The following BPIFB4 variants were observed in gnomAD, a reference collection of about 807,000 sequenced individuals.
BPIFB4 encodes BPI fold-containing family B member 4.
Under a neutral mutation model 69.2 loss-of-function variants are expected in BPIFB4, and 62 were observed. That is an observed-to-expected ratio of 0.90 (90% CI 0.73 to 1.11). BPIFB4 has a LOEUF of 1.11. BPIFB4 is among the 50% of genes least tolerant of loss of function. The pLI is 0.00. For synonymous variants in BPIFB4, 330 were observed against 332.7 expected (o/e 0.99, Z 0.09); for missense variants, 789 against 792.0 (o/e 1.00, Z 0.04).
chr20:33,093,862 CCACCAATCCATCCATCCAT>C (rs1194146785), intron 11 of BPIFB4, among the ~76,000 whole-genome samples: 2 of 151,618 alleles, frequency 1.3e-5, no homozygotes, highest in African/African-American at 2.4e-5. Flanking sequence ...ATCCATCCAT[CCACCAATCCATCCATCCAT>C]TTATATATCC....
chr20:33,080,766 G>A (rs1981203992), intron 2 of BPIFB4, among the ~76,000 whole-genome samples, 190 bp downstream of exon 2: 1 of 152,208 alleles, frequency 6.6e-6, no homozygotes, highest in East Asian at 1.9e-4. Context: ...TGAATGGATG[G>A]ATGGATGGAT....
At position 33,107,774 on chromosome 20, in the gene BPIFB4, A is replaced by G. The variant is rs772872151; in HGVS notation, c.1775A>G (p.Lys592Arg). The change falls in exon 17 of 18, where the codon AAA becomes AGA. Residue 592 changes from lysine to arginine, a missense_variant. Lys to Arg is a conservative substitution (Grantham distance 26). Around this residue, in one of 3 missense-constraint regions of BPIFB4, gnomAD observed 170 missense variants for 193.6 expected, o/e 0.88. Coordinates refer to ENST00000375483, the MANE Select transcript of BPIFB4 (RefSeq NM_182519.3). ...AVLGSGVPLPKILNIDFSNAD... is the reference protein window; with the variant it reads ...AVLGSGVPLPRILNIDFSNAD... ...CTGGGTTCTGGCGTCCCTCTCCCCA[A>G]AATCCTCAACATCGACTTTAGCAAT... The G allele has an allele frequency of 6.6e-5, 106 of 1,614,050 alleles. No homozygotes were observed. The highest frequency in any genetic ancestry group is 9.0e-5 in the Non-Finnish European group (106 of 1,180,012).
chr20:33,110,148 G>A (rs1982194580), intron 17 of BPIFB4, among the ~76,000 whole-genome samples: 1 of 152,092 alleles, frequency 6.6e-6, no homozygotes, highest in African/African-American at 2.4e-5. Context: ...CTGGTTCAGG[G>A]TCCAGTCAAG....
In BPIFB4 at chr20:33,090,773, G is replaced by A. The variant is rs763728607; in HGVS notation, c.1117G>A (p.Gly373Arg). 1.2e-5 allele frequency: 20 copies of A among 1,613,978 alleles called. No homozygotes were observed. The highest frequency in any genetic ancestry group is 2.7e-5 in the African/African-American group (2 of 74,910). The change falls in exon 10 of 18, where the codon GGG becomes AGG. Residue 373 changes from glycine to arginine, a missense_variant. Physicochemically the swap from Gly to Arg is moderately radical, Grantham distance 125. Transcript: ENST00000375483. Reference sequence around the variant, plus strand: ...CTTCTCCAGCCTCCCGCTTGTGACCGGGGAATTCCTGGAGCTGGACCTCAA... The same window carrying A: ...CTTCTCCAGCCTCCCGCTTGTGACCAGGGAATTCCTGGAGCTGGACCTCAA... ...YTFSSLPLVT[G>R]EFLELDLNTL...
chr20:33,089,991 C>T (rs1238295161), intron 9 of BPIFB4, among the ~76,000 whole-genome samples: 1 of 152,238 alleles, frequency 6.6e-6, no homozygotes, highest in Non-Finnish European at 1.5e-5. Flanking sequence ...TGGAGACTGA[C>T]CACGGCCTCA....
intron 9 of BPIFB4, 110 bp downstream of exon 9, chr20:33,089,668 A>G (rs7271727): frequency 0.37 from 571,934 of 1,555,682 alleles, 112,461 homozygotes; most frequent in East Asian, 0.79. Context: ...AGGCCCTTGA[A>G]GTGAGGAGTG....
intron 15 of BPIFB4, among the ~76,000 whole-genome samples, chr20:33,103,357 C>T (rs1981958189): frequency 6.6e-6 from 1 of 152,220 alleles, no homozygotes. Context: ...GGACCACTTT[C>T]CTTCTGGAGT....
At position 33,102,952 on chromosome 20, in the gene BPIFB4, GCT is replaced by G. The variant is rs772139793; in HGVS notation, c.1638-19_1638-18del. 6.2e-7 allele frequency: 1 copy of G among 1,613,484 alleles called. No individual in the cohort carries two copies. The highest frequency in any genetic ancestry group is 1.3e-5 in the African/African-American group (1 of 75,020). ...TTCAGGCAATCCCTGCTTCTCACAG[GCT>G]GTTTTCTTCGTCTACAGGACCAGCC... On this transcript the variant is annotated intron_variant, in intron 14 of 17. Coordinates refer to ENST00000375483, the MANE Select transcript of BPIFB4 (RefSeq NM_182519.3).
Position 33,097,757 on chromosome 20 carries a change from C to T in BPIFB4, c.1539C>T (p.Asp513=). 1 of 1,614,090 alleles carries T rather than the reference C, an allele frequency of 6.2e-7. No homozygotes were observed. The highest frequency in any genetic ancestry group is 1.7e-5 in the Admixed American group (1 of 60,004). ...TAEVMVSQPK[D]LETTICLIDV... ...AGGTCATGGTCTCCCAGCCCAAAGA[C>T]CTGGAGACTACCATCTGCCTCATTG... Residue 513 remains aspartate, a synonymous_variant, in exon 13 of 18, where the codon GAC becomes GAT. Coordinates refer to ENST00000375483, the MANE Select transcript of BPIFB4 (RefSeq NM_182519.3).
chr20:33,104,993 T>C (rs1982008064), intron 16 of BPIFB4, 120 bp downstream of exon 16: 1 of 1,002,784 alleles, frequency 1.0e-6, no homozygotes, highest in South Asian at 1.9e-5. Flanking sequence ...GAGCACTTCC[T>C]TTGAAGCGTG....
intron 3 of BPIFB4, among the ~76,000 whole-genome samples, chr20:33,082,099 CT>C (rs1331166095): frequency 6.6e-6 from 1 of 152,182 alleles, no homozygotes; most frequent in Non-Finnish European, 1.5e-5. Flanking sequence ...TATAATTATT[CT>C]TGCCTCCAAT....
chr20:33,098,214 G>A (rs1044479486), intron 13 of BPIFB4, among the ~76,000 whole-genome samples: 6 of 152,180 alleles, frequency 3.9e-5, no homozygotes, highest in African/African-American at 1.4e-4. Flanking sequence ...GGCTGCCAAA[G>A]TGTTAGCTGA....
In BPIFB4 at chr20:33,080,466, T is replaced by C. The variant is rs1048109611; in HGVS notation, c.-123-3T>C. ...CTCATAACATTCCTCACCCACTTCT[T>C]AGGGGTCTGAAATAACAGTCCCAAA... On this transcript the variant is annotated splice_region_variant and splice_polypyrimidine_tract_variant and intron_variant, in intron 1 of 17. Transcript: ENST00000375483. 1 of 152,254 alleles carries C rather than the reference T, an allele frequency of 6.6e-6. No homozygotes were observed. The highest frequency in any genetic ancestry group is 1.5e-5 in the Non-Finnish European group (1 of 68,040). 9.4% of individuals were successfully genotyped at this position (152,254 alleles called of 1,614,324 possible).
chr20:33,090,807 C>T lies in BPIFB4; in HGVS notation c.1143+8C>T. ...CTGGAGCTGGACCTCAACGTGAGTGCCTGGGGTTCAGGGCAAAGGGTGGTG... is the reference window on the plus strand; with the variant it reads ...CTGGAGCTGGACCTCAACGTGAGTGTCTGGGGTTCAGGGCAAAGGGTGGTG... On this transcript the variant is annotated splice_region_variant and intron_variant, in intron 10 of 17. Coordinates refer to ENST00000375483, the MANE Select transcript of BPIFB4 (RefSeq NM_182519.3). 2 of 1,614,032 alleles carry T rather than the reference C, an allele frequency of 1.2e-6. No homozygotes were observed.
At chr20:33,094,583 T>G (rs1206071808) in intron 11 of BPIFB4, among the ~76,000 whole-genome samples, 1 of 152,020 alleles carries the variant, frequency 6.6e-6, no homozygotes, top group Non-Finnish European at 1.5e-5. Context: ...GTTGGCTCAC[T>G]GCAACCTCCA....
At chr20:33,087,208 A>G (rs1423209193) in intron 7 of BPIFB4, among the ~76,000 whole-genome samples, 2 of 152,172 alleles carry the variant, frequency 1.3e-5, no homozygotes, top group African/African-American at 2.4e-5. Flanking sequence ...ATGGTTCACA[A>G]ACATAAAATA....
chr20:33,086,295 T>A, intron 7 of BPIFB4, 131 bp downstream of exon 7: 1 of 1,223,776 alleles, frequency 8.2e-7, no homozygotes, highest in Non-Finnish European at 1.1e-6. Flanking sequence ...GGGTGGTGAG[T>A]ACTCATGCTG....
At chr20:33,106,411 G>A (rs1214178592) in intron 16 of BPIFB4, among the ~76,000 whole-genome samples, 3 of 135,616 alleles carry the variant, frequency 2.2e-5, no homozygotes, top group Non-Finnish European at 3.1e-5. Context: ...CTCACTCTGT[G>A]GCCCAGGCTA....
At chr20:33,092,371 G>A in intron 10 of BPIFB4, 87 bp from the exon 11 acceptor site, 1 of 1,282,824 alleles carries the variant, frequency 7.8e-7, no homozygotes, top group Non-Finnish European at 1.1e-6. Context: ...GCTGCCTGGA[G>A]GCAGATTCAG....
Sources: gnomAD v4.1 joint callset for allele counts (sites outside exome capture counted in the v4.1 genomes callset) on GRCh38, gnomAD v4.1.1 for gene constraint, gnomAD v4.1.1 regional missense constraint, MANE v1.5 for transcripts, NCBI Gene and HGNC (gene_info 2026-07-23, HGNC 2026-07-21) for gene names.